SCPEP1: variants seen among roughly 807,000 people sequenced by gnomAD.
The protein encoded by SCPEP1 is retinoid-inducible serine carboxypeptidase.
In SCPEP1, 51 loss-of-function variants were observed where a neutral mutation model predicts 63.8. The ratio of observed to expected loss-of-function variants is 0.80; its 90% CI spans 0.64 to 1.01. SCPEP1 has a LOEUF of 1.01. SCPEP1 is among the 50% of genes least tolerant of loss of function. SCPEP1 has a pLI of 0.00. For synonymous variants in SCPEP1, 204 were observed against 207.8 expected, an observed-to-expected ratio of 0.98 and a Z score of 0.16; for missense variants, 499 against 554.9, an observed-to-expected ratio of 0.90 and a Z score of 1.01.
chr17:56,978,324 A>C, intron 1 of SCPEP1, 89 bp downstream of exon 1: 1 of 1,385,896 alleles, frequency 7.2e-7, no homozygotes, highest in Non-Finnish European at 9.4e-7. Flanking sequence ...TTTTGAAAAC[A>C]TGTCTCTTTT....
At chr17:56,988,448 G>A (rs185572340) in intron 5 of SCPEP1, among the ~76,000 whole-genome samples, 158 bp downstream of exon 5, 1 of 152,222 alleles carries the variant, frequency 6.6e-6, no homozygotes, top group Admixed American at 6.5e-5. Flanking sequence ...TTTAAAAGAA[G>A]AATGAAGATT....
chr17:56,997,117 T>C (rs1911591255), intron 9 of SCPEP1, 62 bp downstream of exon 9: 2 of 1,028,594 alleles, frequency 1.9e-6, no homozygotes, highest in Non-Finnish European at 2.8e-6. Context: ...AGAAACCTGT[T>C]TATTAAAAAA....
At chr17:56,998,315 A>C (rs1911633270) in intron 9 of SCPEP1, 70 bp from the exon 10 acceptor site, 6 of 1,130,664 alleles carry the variant, frequency 5.3e-6, no homozygotes, top group Non-Finnish European at 3.9e-6. Context: ...GTCTCAAAAA[A>C]AAAAAAAAAA....
At chr17:57,001,915 A>G (rs1192984363) in intron 11 of SCPEP1, 103 bp from the exon 12 acceptor site, 9 of 1,166,320 alleles carry the variant, frequency 7.7e-6, no homozygotes, top group African/African-American at 3.1e-5. Context: ...AGTGAGTTTC[A>G]TGCATATTGC....
intron 8 of SCPEP1, among the ~76,000 whole-genome samples, chr17:56,996,253 G>A (rs1264718080): frequency 6.6e-6 from 1 of 152,024 alleles, no homozygotes; most frequent in Non-Finnish European, 1.5e-5. Context: ...CGCCCAGGCT[G>A]GAGTGCAATG....
chr17:56,991,235 G>A (rs1911389667), intron 6 of SCPEP1, 64 bp downstream of exon 6: 2 of 1,242,516 alleles, frequency 1.6e-6, no homozygotes, highest in Admixed American at 3.4e-5. Context: ...TGGGACTTTG[G>A]GCTGTGTTGT....
intron 3 of SCPEP1, among the ~76,000 whole-genome samples, chr17:56,985,699 C>G (rs932469937): frequency 3.3e-5 from 5 of 152,096 alleles, no homozygotes; most frequent in Admixed American, 6.5e-5. Flanking sequence ...AAAACAACCC[C>G]TCTCTCCAGC....
intron 11 of SCPEP1, among the ~76,000 whole-genome samples, chr17:57,001,548 G>A (rs1197604309): frequency 6.6e-6 from 1 of 152,168 alleles, no homozygotes; most frequent in African/African-American, 2.4e-5. Flanking sequence ...AAGGTCTGAC[G>A]GATGTGACAC....
intron 1 of SCPEP1, 125 bp downstream of exon 1, chr17:56,978,360 T>A: frequency 8.4e-7 from 1 of 1,190,774 alleles, no homozygotes; most frequent in Non-Finnish European, 1.1e-6. Flanking sequence ...TGTGTAATTA[T>A]ATTGCTTTTG....
rs374838899 is a variant in SCPEP1, at chr17:56,978,146, G to C, written c.-14G>C. Reference sequence around the variant, plus strand: ...GGTCCAGCCTGTTGCTGATGCTGCCGTGCGGTACTTGTCATGGAGCTGGCA... The same window carrying C: ...GGTCCAGCCTGTTGCTGATGCTGCCCTGCGGTACTTGTCATGGAGCTGGCA... On this transcript the variant is annotated 5_prime_UTR_variant, in exon 1 of 13. Transcript: ENST00000262288. 1.4e-4 allele frequency: 175 copies of C among 1,292,854 alleles called. No homozygotes were observed. The highest frequency in any genetic ancestry group is 1.8e-4 in the Non-Finnish European group (164 of 911,808). 80.1% of individuals were successfully genotyped at this position (1,292,854 alleles called of 1,614,324 possible).
At chr17:57,005,094 G>C (rs1051541438) in intron 12 of SCPEP1, among the ~76,000 whole-genome samples, 2 of 152,210 alleles carry the variant, frequency 1.3e-5, no homozygotes, top group African/African-American at 4.8e-5. Flanking sequence ...ACCCCCTTGG[G>C]GATGCAGAAA....
chr17:57,002,294 C>A (rs1317581019), intron 12 of SCPEP1, 113 bp downstream of exon 12: 61 of 1,035,918 alleles, frequency 5.9e-5, no homozygotes, highest in Non-Finnish European at 2.4e-5. Context: ...TACGAGGGCC[C>A]GAGGGCCAGG....
At chr17:56,989,648 G>A (rs1225142438) in intron 5 of SCPEP1, among the ~76,000 whole-genome samples, 1 of 152,114 alleles carries the variant, frequency 6.6e-6, no homozygotes, top group Non-Finnish European at 1.5e-5. Context: ...TTTGCAGCCA[G>A]CATAAAGAAT....
chr17:56,997,580 C>T (rs1195025911), intron 9 of SCPEP1, among the ~76,000 whole-genome samples: 1 of 152,126 alleles, frequency 6.6e-6, no homozygotes, highest in Non-Finnish European at 1.5e-5. Flanking sequence ...TCTGGAGAAT[C>T]CCAATGGCCC....
At position 56,981,172 on chromosome 17, in the gene SCPEP1, A is replaced by G. The variant is rs370984612; in HGVS notation, c.167A>G (p.Tyr56Cys). The change falls in exon 2 of 13, where the codon TAT becomes TGT. Residue 56 changes from tyrosine to cysteine, a missense_variant. By Grantham distance (194) the Tyr-to-Cys change is radical. Coordinates refer to ENST00000262288, the MANE Select transcript of SCPEP1 (RefSeq NM_021626.3). ...RKDAYMFWWL[Y>C]YATNSCKNFS... Reference sequence around the variant, plus strand: ...GATGCCTACATGTTCTGGTGGCTCTATTATGCCACCAACTCCTGCAAGAAC... The same window carrying G: ...GATGCCTACATGTTCTGGTGGCTCTGTTATGCCACCAACTCCTGCAAGAAC... 6 of 1,614,132 alleles carry G rather than the reference A, an allele frequency of 3.7e-6. No individual in the cohort carries two copies. Among genetic ancestry groups the G allele is most frequent in the East Asian group, 2.2e-5 (1 of 44,880 alleles).
At chr17:56,990,373 TA>T (rs1911357131) in intron 5 of SCPEP1, among the ~76,000 whole-genome samples, 1 of 152,204 alleles carries the variant, frequency 6.6e-6, no homozygotes, top group African/African-American at 2.4e-5. Flanking sequence ...TTAAAAAACT[TA>T]TAGAAACAGC....
chr17:57,005,305 C>T (rs188539375), intron 12 of SCPEP1, among the ~76,000 whole-genome samples: 7 of 152,288 alleles, frequency 4.6e-5, no homozygotes, highest in African/African-American at 7.2e-5. Context: ...AAGCCAACCA[C>T]GCGCTCTGTA....
rs1281318167 is a variant in SCPEP1 at position 56,998,219 on chromosome 17, G to A, written c.881-166G>A. ...CCAGCTACTCGGGAGGCTGAGGCAG[G>A]AAAATCGCTTGAACCCAGGAGGCGG... is the stretch of plus-strand genomic sequence containing the variant. On this transcript the variant is annotated intron_variant, in intron 9 of 12. Transcript: ENST00000262288. The A allele has an allele frequency of 1.3e-5, 7 of 524,884 alleles. No individual in the cohort carries two copies. In the Admixed American group the frequency reaches 2.2e-4, roughly 17 times the overall value. The allele number at this position is 524,884 out of a possible 1,614,324, so 32.5% of individuals were successfully genotyped here.
rs368874401 is a variant in SCPEP1, at chr17:56,991,108, C to T, written c.556C>T (p.Arg186Ter). 2.2e-5 allele frequency: 35 copies of T among 1,613,464 alleles called. No individual in the cohort carries two copies. The highest frequency in any genetic ancestry group is 2.9e-5 in the Non-Finnish European group (34 of 1,179,540). Residue 186 changes from arginine (R) to a stop codon, truncating the protein, a stop_gained, in exon 6 of 13, where the codon CGA (arginine) becomes TGA (stop). Transcript: ENST00000262288. LOFTEE classifies it high-confidence loss of function. The stretch of plus-strand genomic sequence containing the variant: ...TTGTTTCCTCTTTCAGGCCATTCAG[C>T]GAGGGACCATCAAGTGCAACTTTGC... Reference protein sequence around the residue: ...IGLELYKAIQRGTIKCNFAGV... With the variant: ...IGLELYKAIQ
Sources: gnomAD v4.1 joint callset for allele counts (sites outside exome capture counted in the v4.1 genomes callset) on GRCh38, gnomAD v4.1.1 for gene constraint, MANE v1.5 for transcripts, NCBI Gene and HGNC (gene_info 2026-07-23, HGNC 2026-07-21) for gene names.